The following PRKN variants were observed in gnomAD, a reference collection of about 807,000 sequenced individuals.
The protein encoded by PRKN is E3 ubiquitin-protein ligase parkin.
PRKN carries 56 observed loss-of-function variants against 59.5 expected under a neutral mutation model. The ratio of observed to expected loss-of-function variants is 0.94; its 90% CI spans 0.76 to 1.18. The LOEUF is 1.18. PRKN is among the 50% of genes most tolerant of loss of function. The probability of loss-of-function intolerance (pLI) is 0.00; values close to 1 mark genes in which losing one functional copy is unlikely to be tolerated. For missense variants in PRKN, 657 were observed against 596.4 expected, an observed-to-expected ratio of 1.10 and a Z score of -1.06; for synonymous variants, 250 against 222.1, an observed-to-expected ratio of 1.13 and a Z score of -1.12.
chr6:162,535,958 G>A (rs879222814), intron 1 of PRKN, among the ~76,000 whole-genome samples: 1 of 150,978 alleles, frequency 6.6e-6, no homozygotes, highest in Admixed American at 6.6e-5. Context: ...CTGGTCTGAT[G>A]TACTGAAAAC....
chr6:162,058,996 A>C (rs565615214), intron 4 of PRKN, among the ~76,000 whole-genome samples: 1 of 151,952 alleles, frequency 6.6e-6, no homozygotes, highest in South Asian at 2.1e-4. Context: ...ACCAATAATT[A>C]AATGCAGGAA....
At position 162,594,398 on chromosome 6, in the gene PRKN, T is replaced by C. The variant is rs1320955088; in HGVS notation, c.7+133264A>G. ...TCTCAATTCATGATATGATATCCAC[T>C]ATTATTAATTTTAAAAATACATGAA... On this transcript the variant is annotated intron_variant, in intron 1 of 11. Transcript: ENST00000366898. Among the ~76,000 whole-genome samples the C allele has an allele frequency of 1.3e-5, 2 of 152,212 alleles. 1 individual carries two copies. Among genetic ancestry groups the C allele is most frequent in the Admixed American group, 1.3e-4 (2 of 15,286 alleles).
At position 162,016,195 on chromosome 6, in the gene PRKN, T is replaced by C. The variant is rs1204461169; in HGVS notation, c.618+37896A>G. On this transcript the variant is annotated intron_variant, in intron 5 of 11. Coordinates refer to ENST00000366898, the MANE Select transcript of PRKN (RefSeq NM_004562.3). The stretch of plus-strand genomic sequence containing the variant: ...CATAGCAAAGGCGACACATCTGTTG[T>C]TGTTCCAATTTATTTTCTGTAAGCC... 4.6e-5 allele frequency among the ~76,000 whole-genome samples: 7 copies of C among 152,328 alleles called. No individual in the cohort carries two copies. The East Asian group carries it at 1.3e-3, about 29-fold the overall frequency.
At chr6:162,134,602 T>C (rs576927912) in intron 4 of PRKN, among the ~76,000 whole-genome samples, 2 of 152,214 alleles carry the variant, frequency 1.3e-5, no homozygotes, top group Non-Finnish European at 2.9e-5. Context: ...CAGAAGAAAG[T>C]TGAAAAATTT....
intron 4 of PRKN, among the ~76,000 whole-genome samples, chr6:162,072,117 C>T (rs1276879950): frequency 6.6e-6 from 1 of 152,014 alleles, no homozygotes; most frequent in Non-Finnish European, 1.5e-5. Context: ...TTTTGCACGT[C>T]AGGAGGATAA....
intron 7 of PRKN, among the ~76,000 whole-genome samples, chr6:161,681,012 G>C (rs1296923703): frequency 6.6e-6 from 1 of 151,944 alleles, no homozygotes; most frequent in Non-Finnish European, 1.5e-5. Flanking sequence ...CCAGGCTAGA[G>C]TGCAGTGGCA....
At chr6:162,149,164 C>T (rs1023078307) in intron 4 of PRKN, among the ~76,000 whole-genome samples, 3 of 152,036 alleles carry the variant, frequency 2.0e-5, no homozygotes, top group Non-Finnish European at 4.4e-5. Flanking sequence ...AGAGAAGAGG[C>T]AATAGCCAGG....
chr6:162,674,578 G>C (rs577436460), intron 1 of PRKN, among the ~76,000 whole-genome samples: 24 of 152,296 alleles, frequency 1.6e-4, no homozygotes, highest in African/African-American at 5.5e-4. Flanking sequence ...GATGCTCGTG[G>C]AACTGTGACA....
chr6:161,776,259 C>A (rs1270778668), intron 7 of PRKN, among the ~76,000 whole-genome samples: 2 of 152,144 alleles, frequency 1.3e-5, no homozygotes, highest in African/African-American at 4.8e-5. Context: ...GCAGAGGGTG[C>A]TTCATCATTT....
At chr6:161,923,055 G>T (rs995202950) in intron 6 of PRKN, among the ~76,000 whole-genome samples, 3 of 152,200 alleles carry the variant, frequency 2.0e-5, no homozygotes, top group Non-Finnish European at 4.4e-5. Flanking sequence ...ATGGCTGGAG[G>T]ATCCTCCCAT....
chr6:162,387,991 C>T (rs1321271753), intron 2 of PRKN, among the ~76,000 whole-genome samples: 6 of 152,168 alleles, frequency 3.9e-5, no homozygotes, highest in African/African-American at 7.2e-5. Flanking sequence ...GTAAAACACA[C>T]GGTCTCGTGG....
At chr6:162,259,312 T>A (rs900172144) in intron 3 of PRKN, among the ~76,000 whole-genome samples, 1 of 152,210 alleles carries the variant, frequency 6.6e-6, no homozygotes, top group African/African-American at 2.4e-5. Context: ...ACAGGTAGGA[T>A]CCATAATTGT....
chr6:161,587,260 CA>C (rs1214298480), intron 7 of PRKN, among the ~76,000 whole-genome samples: 3 of 151,956 alleles, frequency 2.0e-5, no homozygotes, highest in African/African-American at 7.2e-5. Context: ...CAGTGTAGGC[CA>C]AAAAGGAGAG....
At chr6:162,622,733 A>C (rs1350980177) in intron 1 of PRKN, among the ~76,000 whole-genome samples, 1 of 152,214 alleles carries the variant, frequency 6.6e-6, no homozygotes, top group Non-Finnish European at 1.5e-5. Flanking sequence ...ATGATCCCAA[A>C]AGGCTTCTTC....
At chr6:162,534,978 A>T (rs1306864477) in intron 1 of PRKN, among the ~76,000 whole-genome samples, 1 of 152,062 alleles carries the variant, frequency 6.6e-6, no homozygotes, top group Admixed American at 6.6e-5. Flanking sequence ...TTCCTTCCCC[A>T]GTTCTCTTCC....
Position 161,497,145 on chromosome 6 carries a change from C to T in PRKN, c.1083+51709G>A, listed in dbSNP as rs1028900392. 1.3e-5 allele frequency among the ~76,000 whole-genome samples: 2 copies of T among 152,216 alleles called. No homozygotes were observed. Among genetic ancestry groups the T allele is most frequent in the Admixed American group, 6.5e-5 (1 of 15,288 alleles). On this transcript the variant is annotated intron_variant, in intron 9 of 11. Transcript: ENST00000366898. The surrounding 1 kb of genome is among the most constrained non-coding windows in gnomAD (Gnocchi z 4.6). ...GGTCAGCCCACAGGCCAGGGCCAGGCGGCATTGCTGGCTAGTGGCCTGCAG... is the reference window on the plus strand; with the variant it reads ...GGTCAGCCCACAGGCCAGGGCCAGGTGGCATTGCTGGCTAGTGGCCTGCAG...
At chr6:162,250,112 C>T (rs936474038) in intron 3 of PRKN, among the ~76,000 whole-genome samples, 14 of 151,812 alleles carry the variant, frequency 9.2e-5, no homozygotes, top group African/African-American at 3.2e-4. Flanking sequence ...CACCACAGGA[C>T]TCCAGCCTGG....
intron 9 of PRKN, among the ~76,000 whole-genome samples, chr6:161,507,839 C>T (rs990684724): frequency 1.3e-5 from 2 of 152,166 alleles, no homozygotes; most frequent in East Asian, 3.9e-4. Flanking sequence ...TGAATCACTC[C>T]CTGACCACCC....
chr6:161,525,106 G>A lies in PRKN; in HGVS notation c.1083+23748C>T, dbSNP rs7741480. On this transcript the variant is annotated intron_variant, in intron 9 of 11. Coordinates refer to ENST00000366898, the MANE Select transcript of PRKN (RefSeq NM_004562.3). The surrounding 1 kb of genome is among the most constrained non-coding windows in gnomAD (Gnocchi z 4.7). ...AATGTGAAAATAAGATTTTTGAGTT[G>A]ACACATTCATTCATTTTCTAAAAGG... Among the ~76,000 whole-genome samples, 406 of 150,702 alleles carry A rather than the reference G, an allele frequency of 2.7e-3. 1 individual carries two copies. The highest frequency in any genetic ancestry group is 9.6e-3 in the African/African-American group (394 of 40,854).
Sources: gnomAD v4.1 joint callset for allele counts (sites outside exome capture counted in the v4.1 genomes callset) on GRCh38, gnomAD v4.1.1 for gene constraint, Gnocchi (gnomAD v3.1) non-coding constraint, MANE v1.5 for transcripts, NCBI Gene and HGNC (gene_info 2026-07-23, HGNC 2026-07-21) for gene names.